ANKS1A: variants seen among roughly 807,000 people sequenced by gnomAD.
ANKS1A encodes ankyrin repeat and SAM domain-containing protein 1A.
A neutral mutation model predicts 120.3 loss-of-function variants in ANKS1A; 55 were observed. The observed-to-expected ratio is 0.46, with a 90% confidence interval of 0.37 to 0.57. The LOEUF is 0.57. ANKS1A is among the 20% of genes least tolerant of loss of function. ANKS1A has a pLI of 0.00. For missense variants in ANKS1A, 1,123 were observed against 1,480.3 expected (o/e 0.76, Z 3.96); for synonymous variants, 590 against 604.7 (o/e 0.98, Z 0.36).
In ANKS1A at chr6:35,069,542, A is replaced by G. The variant is rs372582837; in HGVS notation, c.2185-9016A>G. Among the ~76,000 whole-genome samples, 8 of 151,994 alleles carry G rather than the reference A, an allele frequency of 5.3e-5. No homozygotes were observed. The East Asian group carries it at 1.5e-3, about 29-fold the overall frequency. Reference sequence around the variant, plus strand: ...GTGCCTAGAACACAGAGGGCTGACAATAATTTTTTTTCTTTTAAGATAGGG... The same window carrying G: ...GTGCCTAGAACACAGAGGGCTGACAGTAATTTTTTTTCTTTTAAGATAGGG... On this transcript the variant is annotated intron_variant, in intron 13 of 23. Coordinates refer to ENST00000360359, the MANE Select transcript of ANKS1A (RefSeq NM_015245.3).
At chr6:35,018,754 A>G (rs949098987) in intron 11 of ANKS1A, among the ~76,000 whole-genome samples, 10 of 152,138 alleles carry the variant, frequency 6.6e-5, no homozygotes, top group Admixed American at 2.6e-4. Context: ...TGAGTACCCA[A>G]TGTTTAAGGG....
intron 3 of ANKS1A, chr6:34,972,573 T>G (rs1771238232): frequency 1.0e-6 from 1 of 984,960 alleles, no homozygotes. Context: ...TTCCTCTCCT[T>G]TTTGTAGAAT....
intron 11 of ANKS1A, among the ~76,000 whole-genome samples, chr6:35,042,185 G>T (rs1260103857): frequency 6.6e-6 from 1 of 152,172 alleles, no homozygotes; most frequent in African/African-American, 2.4e-5. Flanking sequence ...AAAGAGGAAA[G>T]AACACAGTTC....
chr6:35,076,163 C>G (rs1354501917), intron 13 of ANKS1A, among the ~76,000 whole-genome samples: 1 of 152,196 alleles, frequency 6.6e-6, no homozygotes, highest in Non-Finnish European at 1.5e-5. Context: ...GTGGCTCACG[C>G]CTGTAATCCC....
At chr6:34,927,458 G>A (rs1368524927) in intron 1 of ANKS1A, among the ~76,000 whole-genome samples, 1 of 152,028 alleles carries the variant, frequency 6.6e-6, no homozygotes, top group Non-Finnish European at 1.5e-5. Flanking sequence ...TTTATACAGG[G>A]GCACCAGATG....
At chr6:34,949,597 T>C (rs187654739) in intron 1 of ANKS1A, among the ~76,000 whole-genome samples, 1 of 152,364 alleles carries the variant, frequency 6.6e-6, no homozygotes, top group Admixed American at 6.5e-5. Flanking sequence ...ATTTATGAGC[T>C]GTTCTAGGAT....
chr6:35,083,096 G>A, intron 18 of ANKS1A, 59 bp from the exon 19 acceptor site: 1 of 1,598,412 alleles, frequency 6.3e-7, no homozygotes, highest in Non-Finnish European at 8.6e-7. Context: ...AAATTGGTTG[G>A]GTCACCCCTG....
At position 35,084,802 on chromosome 6, in the gene ANKS1A, G is replaced by C. The variant is rs894233953; in HGVS notation, c.3132+544G>C. On this transcript the variant is annotated intron_variant, in intron 21 of 23. Transcript: ENST00000360359. The surrounding 1 kb of genome is among the most constrained non-coding windows in gnomAD (Gnocchi z 4.8). ...TTTCTTCCCTCAAATTCCTGCTGAG[G>C]CTCGGCTCTGGATGCCACTGGGCCG... Among the ~76,000 whole-genome samples, 1 of 152,180 alleles carries C rather than the reference G, an allele frequency of 6.6e-6. No homozygotes were observed. The highest frequency in any genetic ancestry group is 1.5e-5 in the Non-Finnish European group (1 of 68,026).
chr6:34,982,683 C>T lies in ANKS1A; in HGVS notation c.733-69C>T, dbSNP rs573791299. 5.7e-5 allele frequency: 85 copies of T among 1,478,760 alleles called. 1 individual carries two copies. The South Asian group carries it at 9.0e-4, about 16-fold the overall frequency. The allele number at this position is 1,478,760 out of a possible 1,614,324, so 91.6% of individuals were successfully genotyped here. ...TTGTGTCCCTTCTTGTCTGTGTCCC[C>T]TTTGTCACGTGAAGCCGCACCAAAC... On this transcript the variant is annotated intron_variant, in intron 4 of 23. Transcript: ENST00000360359. The surrounding 1 kb of genome is among the most constrained non-coding windows in gnomAD (Gnocchi z 4.9).
At position 34,985,069 on chromosome 6, in the gene ANKS1A, A is replaced by G; in HGVS notation, c.1013-13A>G. On this transcript the variant is annotated splice_polypyrimidine_tract_variant and intron_variant, in intron 7 of 23. Coordinates refer to ENST00000360359, the MANE Select transcript of ANKS1A (RefSeq NM_015245.3). ...CCCTTCAGTGACTCTCTTGCCCTCC[A>G]TCCTCCTCTCAGGTGACGTGGAGAA... The G allele has an allele frequency of 4.4e-6, 7 of 1,608,506 alleles. No individual in the cohort carries two copies. The highest frequency in any genetic ancestry group is 5.9e-6 in the Non-Finnish European group (7 of 1,176,668).
chr6:34,972,941 T>A (rs1016681418), intron 3 of ANKS1A, among the ~76,000 whole-genome samples: 9 of 152,214 alleles, frequency 5.9e-5, no homozygotes, highest in Non-Finnish European at 1.2e-4. Flanking sequence ...TAATTTACAA[T>A]TTTGATTCTT....
intron 1 of ANKS1A, among the ~76,000 whole-genome samples, chr6:34,956,945 T>C (rs1770402022): frequency 6.6e-6 from 1 of 152,164 alleles, no homozygotes; most frequent in South Asian, 2.1e-4. Context: ...AGTCCCAGTT[T>C]TCAGCCCCTC....
At chr6:34,929,340 T>C (rs758693197) in intron 1 of ANKS1A, among the ~76,000 whole-genome samples, 1 of 152,194 alleles carries the variant, frequency 6.6e-6, no homozygotes, top group Non-Finnish European at 1.5e-5. Flanking sequence ...AAGATTATAA[T>C]AGACGAATGA....
intron 11 of ANKS1A, among the ~76,000 whole-genome samples, chr6:35,022,712 T>C (rs1774406644): frequency 6.6e-6 from 1 of 152,194 alleles, no homozygotes; most frequent in African/African-American, 2.4e-5. Flanking sequence ...TTTAAAAATA[T>C]ACAGATAAGG....
intron 13 of ANKS1A, among the ~76,000 whole-genome samples, chr6:35,063,078 T>G (rs1420633271): frequency 6.6e-6 from 1 of 152,188 alleles, no homozygotes; most frequent in African/African-American, 2.4e-5. Context: ...CCACACTGTC[T>G]TGCTTACAGA....
intron 1 of ANKS1A, among the ~76,000 whole-genome samples, chr6:34,896,457 A>G (rs1226968342): frequency 1.3e-5 from 2 of 151,918 alleles, no homozygotes; most frequent in Non-Finnish European, 2.9e-5. Context: ...CTGTACTTAC[A>G]TTTTTGCTTT....
chr6:35,092,455 G>A (rs1260779551), downstream of ANKS1A, among the ~76,000 whole-genome samples: 1 of 152,226 alleles, frequency 6.6e-6, no homozygotes, highest in East Asian at 1.9e-4. Context: ...GCCAGCGAAT[G>A]GCAGAGAGCC....
At chr6:35,017,159 A>G (rs997769556) in intron 10 of ANKS1A, among the ~76,000 whole-genome samples, 16 of 152,126 alleles carry the variant, frequency 1.1e-4, no homozygotes, top group Admixed American at 9.2e-4. Flanking sequence ...TTCTCGCCTT[A>G]TATAGCAAGG....
intron 17 of ANKS1A, 62 bp downstream of exon 17, chr6:35,081,220 C>G: frequency 6.7e-7 from 1 of 1,495,532 alleles, no homozygotes; most frequent in Non-Finnish European, 8.9e-7. Context: ...TGGGACAGGG[C>G]CTCCCAGAAC....
Sources: allele counts gnomAD v4.1 joint callset (sites outside exome capture counted in the v4.1 genomes callset), GRCh38; gene constraint gnomAD v4.1.1; non-coding constraint Gnocchi (gnomAD v3.1); transcripts MANE v1.5; gene names NCBI Gene and HGNC (gene_info 2026-07-23, HGNC 2026-07-21).